The following ZBTB7C variants were observed in gnomAD, a reference collection of about 807,000 sequenced individuals.
ZBTB7C encodes zinc finger and BTB domain containing 7C.
In ZBTB7C, 8 loss-of-function variants were observed where a neutral mutation model predicts 25.7. The observed-to-expected ratio is 0.31, with a 90% confidence interval of 0.18 to 0.56. ZBTB7C has a LOEUF of 0.56. Among genes scored for constraint, ZBTB7C ranks in the 20% least tolerant of loss-of-function variants. The pLI, the probability that ZBTB7C is intolerant of heterozygous loss-of-function variation, is 0.91. For synonymous variants in ZBTB7C, 394 were observed against 369.0 expected (o/e 1.07, Z -0.78); for missense variants, 824 against 855.2 (o/e 0.96, Z 0.46).
intron 3 of ZBTB7C, chr18:48,136,928 C>T: frequency 9.3e-6 from 9 of 965,942 alleles, no homozygotes; most frequent in African/African-American, 1.8e-5. Flanking sequence ...TCCCCCACCC[C>T]CTCCCCACGG....
chr18:48,259,396 G>A (rs1469323246), intron 2 of ZBTB7C, among the ~76,000 whole-genome samples: 1 of 147,892 alleles, frequency 6.8e-6, no homozygotes, highest in Non-Finnish European at 1.5e-5. Flanking sequence ...AAACTCAAAA[G>A]GGACCACTGT....
At position 48,029,215 on chromosome 18, in the gene ZBTB7C, GAGA is replaced by G; in HGVS notation, c.*42_*44del. On this transcript the variant is annotated 3_prime_UTR_variant, in exon 5 of 5. Transcript: ENST00000590800. The stretch of plus-strand genomic sequence containing the variant: ...GGGTAGGGTAGAGTGGGCCTGGAGG[GAGA>G]AGGACTGGAGGGCTGGTGGGCTGGA... 1.3e-6 allele frequency: 2 copies of G among 1,506,556 alleles called. No individual in the cohort carries two copies. The highest frequency in any genetic ancestry group is 8.8e-7 in the Non-Finnish European group (1 of 1,138,932). 93.3% of individuals were successfully genotyped at this position (1,506,556 alleles called of 1,614,324 possible).
intron 2 of ZBTB7C, among the ~76,000 whole-genome samples, chr18:48,195,441 C>A (rs1229977812): frequency 6.6e-6 from 1 of 152,200 alleles, no homozygotes; most frequent in Non-Finnish European, 1.5e-5. Context: ...AGTTCCCCTG[C>A]ACATGTTCTC....
intron 1 of ZBTB7C, among the ~76,000 whole-genome samples, chr18:48,407,499 G>T (rs538756860): frequency 2.0e-5 from 3 of 152,308 alleles, no homozygotes; most frequent in African/African-American, 7.2e-5. Flanking sequence ...GGCCATGATG[G>T]GCTTGGGGTG....
intron 2 of ZBTB7C, among the ~76,000 whole-genome samples, chr18:48,205,376 T>C (rs752815682): frequency 1.3e-5 from 2 of 151,828 alleles, no homozygotes; most frequent in Non-Finnish European, 2.9e-5. Flanking sequence ...CAGTGAAATA[T>C]GGGCACAACC....
chr18:48,074,937 A>C (rs990435873), intron 3 of ZBTB7C, among the ~76,000 whole-genome samples: 2 of 152,028 alleles, frequency 1.3e-5, no homozygotes, highest in African/African-American at 4.8e-5. Context: ...ACATACTGGC[A>C]CCTTTTGTTT....
chr18:48,290,606 T>G (rs1439574012), intron 2 of ZBTB7C, among the ~76,000 whole-genome samples: 1 of 152,198 alleles, frequency 6.6e-6, no homozygotes, highest in Non-Finnish European at 1.5e-5. Context: ...CAGACTGTGC[T>G]TCCTTCCCTG....
chr18:48,249,182 T>C (rs1010825811), intron 2 of ZBTB7C, among the ~76,000 whole-genome samples: 24 of 152,238 alleles, frequency 1.6e-4, no homozygotes, highest in Admixed American at 7.2e-4. Context: ...TATTAAATAA[T>C]ATTTTTGCAA....
At position 48,040,640 on chromosome 18, in the gene ZBTB7C, CTCCTCTTCG is replaced by C. The variant is rs751263357; in HGVS notation, c.459_467del (p.Asp153_Glu155del). 6.8e-6 allele frequency: 11 copies of C among 1,613,350 alleles called. No individual in the cohort carries two copies. The highest frequency in any genetic ancestry group is 5.0e-5 in the Admixed American group (3 of 59,980). ...CGTCATCCTCCTCCTCTTCCTCCTC[CTCCTCTTCG>C]TCCTCCTCATCATCATCATCTTCGT... On this transcript the variant is annotated inframe_deletion, in exon 4 of 5. Transcript: ENST00000590800.
At chr18:48,372,036 C>T (rs565745753) in intron 1 of ZBTB7C, among the ~76,000 whole-genome samples, 8 of 152,310 alleles carry the variant, frequency 5.3e-5, no homozygotes, top group African/African-American at 1.4e-4. Flanking sequence ...AACCATAACC[C>T]TGTGTCTGAC....
chr18:48,037,314 C>G (rs2036015977), intron 4 of ZBTB7C, among the ~76,000 whole-genome samples: 1 of 152,234 alleles, frequency 6.6e-6, no homozygotes, highest in Non-Finnish European at 1.5e-5. Context: ...ATGACCAGAG[C>G]TGCCCCACTG....
chr18:48,062,348 T>C (rs1255182453), intron 3 of ZBTB7C, among the ~76,000 whole-genome samples: 1 of 152,216 alleles, frequency 6.6e-6, no homozygotes, highest in Non-Finnish European at 1.5e-5. Context: ...CTGGATTAGC[T>C]GGAAGCATGA....
chr18:48,390,922 A>G (rs2047886745), intron 1 of ZBTB7C, among the ~76,000 whole-genome samples: 1 of 152,172 alleles, frequency 6.6e-6, no homozygotes, highest in African/African-American at 2.4e-5. Context: ...TGACTCTTGC[A>G]TTTACCTTCA....
intron 3 of ZBTB7C, among the ~76,000 whole-genome samples, chr18:48,160,935 GTTTT>G (rs59824886): frequency 7.3e-6 from 1 of 136,896 alleles, no homozygotes; most frequent in Non-Finnish European, 1.6e-5. Context: ...TTTGAGACAA[GTTTT>G]TTTTTTTTTT....
intron 1 of ZBTB7C, among the ~76,000 whole-genome samples, chr18:48,370,055 C>T (rs2047349969): frequency 6.6e-6 from 1 of 152,108 alleles, no homozygotes; most frequent in African/African-American, 2.4e-5. Context: ...TCTCAGGCTT[C>T]AGTGGAATGA....
chr18:48,159,060 A>G (rs966190202), intron 3 of ZBTB7C, among the ~76,000 whole-genome samples: 1 of 151,980 alleles, frequency 6.6e-6, no homozygotes, highest in African/African-American at 2.4e-5. Context: ...GCGACAGGGG[A>G]TGCAGAGAGT....
chr18:48,296,132 T>G (rs976295050), intron 2 of ZBTB7C, among the ~76,000 whole-genome samples: 7 of 152,158 alleles, frequency 4.6e-5, no homozygotes, highest in African/African-American at 1.7e-4. Context: ...CCACCTGCCA[T>G]GCCCATGCGC....
At chr18:48,166,567 C>G (rs758995323) in intron 3 of ZBTB7C, among the ~76,000 whole-genome samples, 8 of 152,176 alleles carry the variant, frequency 5.3e-5, no homozygotes, top group Non-Finnish European at 8.8e-5. Flanking sequence ...TGTGGAAGCT[C>G]AGAGTCCCCT....
chr18:48,114,261 T>C (rs555025520), intron 3 of ZBTB7C, among the ~76,000 whole-genome samples: 2 of 152,324 alleles, frequency 1.3e-5, no homozygotes, highest in South Asian at 2.1e-4. Flanking sequence ...GCACACCCTC[T>C]GACCCAGCAA....
Sources: allele counts gnomAD v4.1 joint callset (sites outside exome capture counted in the v4.1 genomes callset), GRCh38; gene constraint gnomAD v4.1.1; transcripts MANE v1.5; gene names NCBI Gene and HGNC (gene_info 2026-07-23, HGNC 2026-07-21).